Variants in CACNA1E observed in about 807,000 individuals in gnomAD.
CACNA1E encodes calcium voltage-gated channel subunit alpha1 E.
Under a neutral mutation model 259.2 loss-of-function variants are expected in CACNA1E, and 40 were observed. That is an observed-to-expected ratio of 0.15 (90% CI 0.12 to 0.20). The LOEUF (loss-of-function observed/expected upper bound fraction) is 0.20, where lower values mean the gene tolerates loss of function less well. Among genes scored for constraint, CACNA1E ranks in the 10% least tolerant of loss-of-function variants. CACNA1E has a pLI of 1.00. For missense variants in CACNA1E, 1,874 were observed against 3,040.1 expected (o/e 0.62, Z 9.02); for synonymous variants, 1,104 against 1,138.5 (o/e 0.97, Z 0.61).
intron 6 of CACNA1E, among the ~76,000 whole-genome samples, chr1:181,641,147 G>C (rs1397704801): frequency 1.3e-5 from 2 of 152,216 alleles, no homozygotes; most frequent in African/African-American, 4.8e-5. Context: ...CAAAAGTGTT[G>C]AATGAATATG....
chr1:181,535,199 G>A (rs967793836), intron 3 of CACNA1E, among the ~76,000 whole-genome samples: 1 of 152,152 alleles, frequency 6.6e-6, no homozygotes, highest in African/African-American at 2.4e-5. Context: ...CAAAAATTTA[G>A]GGGTCTTCAT....
chr1:181,482,691 G>C (rs1363864183), upstream of CACNA1E, among the ~76,000 whole-genome samples: 1 of 152,362 alleles, frequency 6.6e-6, no homozygotes, highest in Middle Eastern at 3.4e-3. Flanking sequence ...GTGCTCCGCC[G>C]AGGGCGCTGC....
At chr1:181,324,815 A>G (rs1341883651) in intron 1 of CACNA1E, among the ~76,000 whole-genome samples, 1 of 152,122 alleles carries the variant, frequency 6.6e-6, no homozygotes, top group Non-Finnish European at 1.5e-5. Flanking sequence ...CTGAGGGAGT[A>G]GTGTTCTTGA....
intron 1 of CACNA1E, among the ~76,000 whole-genome samples, chr1:181,384,693 C>T (rs183845774): frequency 6.6e-5 from 10 of 152,236 alleles, no homozygotes; most frequent in East Asian, 1.9e-4. Context: ...TTGGAAGGGA[C>T]GATCCTCACT....
intron 33 of CACNA1E, among the ~76,000 whole-genome samples, chr1:181,762,940 T>C (rs2102720263): frequency 6.6e-6 from 1 of 152,200 alleles, no homozygotes; most frequent in East Asian, 1.9e-4. Context: ...ATGCATAGCG[T>C]TGCACTAGAG....
At chr1:181,573,112 T>C (rs997553872) in intron 3 of CACNA1E, among the ~76,000 whole-genome samples, 10 of 152,146 alleles carry the variant, frequency 6.6e-5, no homozygotes, top group African/African-American at 2.4e-4. Context: ...GCAATTTAAT[T>C]TTTTCTGAGC....
chr1:181,361,996 G>T (rs993267831), intron 1 of CACNA1E, among the ~76,000 whole-genome samples: 1 of 152,204 alleles, frequency 6.6e-6, no homozygotes. Context: ...TTACTAGGTT[G>T]CAGTCTTGAG....
intron 2 of CACNA1E, among the ~76,000 whole-genome samples, chr1:181,457,490 G>A (rs764605117): frequency 7.2e-5 from 11 of 152,264 alleles, no homozygotes; most frequent in South Asian, 2.1e-4. Context: ...TGACTCCCGC[G>A]TTGGTGACAA....
chr1:181,682,381 G>T (rs1455578373), intron 7 of CACNA1E, among the ~76,000 whole-genome samples: 1 of 152,142 alleles, frequency 6.6e-6, no homozygotes, highest in East Asian at 1.9e-4. Context: ...TGTCAGTTTT[G>T]CTTATCACAG....
chr1:181,432,451 TAAATA>T (rs1269985150), intron 2 of CACNA1E, among the ~76,000 whole-genome samples: 6 of 151,830 alleles, frequency 4.0e-5, no homozygotes, highest in African/African-American at 9.7e-5. Context: ...TAAAAATAAA[TAAATA>T]AAATAAAATA....
intron 42 of CACNA1E, 113 bp from the exon 43 acceptor site, chr1:181,785,600 G>A (rs1660785414): frequency 1.1e-6 from 1 of 920,184 alleles, no homozygotes; most frequent in African/African-American, 1.6e-5. Context: ...GGTTAAAATG[G>A]TCAAACAAGG....
intron 6 of CACNA1E, among the ~76,000 whole-genome samples, chr1:181,585,547 C>A (rs548077085): frequency 6.6e-5 from 10 of 152,104 alleles, no homozygotes; most frequent in African/African-American, 1.9e-4. Context: ...TATGGTATAT[C>A]AGATAGTGAT....
intron 6 of CACNA1E, among the ~76,000 whole-genome samples, chr1:181,582,564 G>T (rs2102987799): frequency 6.6e-6 from 1 of 152,374 alleles, no homozygotes; most frequent in Admixed American, 6.5e-5. Flanking sequence ...AGGCGTGATT[G>T]TTGGTCCTCT....
intron 37 of CACNA1E, among the ~76,000 whole-genome samples, chr1:181,774,934 A>G (rs1211202289): frequency 1.3e-5 from 2 of 152,230 alleles, no homozygotes; most frequent in African/African-American, 4.8e-5. Flanking sequence ...AGGCTCCTGT[A>G]AATGAGGAGT....
At chr1:181,598,017 A>G (rs1208586302) in intron 6 of CACNA1E, among the ~76,000 whole-genome samples, 1 of 152,188 alleles carries the variant, frequency 6.6e-6, no homozygotes, top group African/African-American at 2.4e-5. Flanking sequence ...CTTAAGGCTT[A>G]CAGAGGTTAA....
intron 1 of CACNA1E, among the ~76,000 whole-genome samples, chr1:181,380,472 A>T (rs1258605116): frequency 6.6e-6 from 1 of 152,232 alleles, no homozygotes; most frequent in East Asian, 1.9e-4. Context: ...CAGACAAAAG[A>T]TATAATAAGA....
intron 1 of CACNA1E, among the ~76,000 whole-genome samples, chr1:181,394,403 A>G (rs780293228): frequency 6.6e-6 from 1 of 152,192 alleles, no homozygotes; most frequent in Non-Finnish European, 1.5e-5. Flanking sequence ...TTTTGTAACA[A>G]TTTCAGATAA....
intron 1 of CACNA1E, among the ~76,000 whole-genome samples, chr1:181,355,148 T>G (rs1233011304): frequency 6.6e-6 from 1 of 152,226 alleles, no homozygotes; most frequent in Non-Finnish European, 1.5e-5. Context: ...TGCCTGGGTT[T>G]GGATCCTTGG....
chr1:181,382,903 G>T (rs891906984), intron 1 of CACNA1E, among the ~76,000 whole-genome samples: 1 of 152,098 alleles, frequency 6.6e-6, no homozygotes, highest in Non-Finnish European at 1.5e-5. Context: ...CAGAAGGGGC[G>T]GAGGCTTAGG....
Sources: gnomAD v4.1 joint callset for allele counts (sites outside exome capture counted in the v4.1 genomes callset) on GRCh38, gnomAD v4.1.1 for gene constraint, MANE v1.5 for transcripts, NCBI Gene and HGNC (gene_info 2026-07-23, HGNC 2026-07-21) for gene names.